Variants in LAMTOR3 observed in about 807,000 individuals in gnomAD.
The protein encoded by LAMTOR3 is late endosomal/lysosomal adaptor, MAPK and MTOR activator 3.
In LAMTOR3, 14 loss-of-function variants were observed where a neutral mutation model predicts 20.3. The observed-to-expected ratio is 0.69, with a 90% CI of 0.46 to 1.08. The LOEUF (loss-of-function observed/expected upper bound fraction) is 1.08. Among genes scored for constraint, LAMTOR3 ranks in the 50% least tolerant of loss-of-function variants. The probability of loss-of-function intolerance (pLI) is 0.00; values close to 1 mark genes in which losing one functional copy is unlikely to be tolerated. For synonymous variants in LAMTOR3, 40 were observed against 49.4 expected (o/e 0.81, Z 0.80); for missense variants, 125 against 143.7 (o/e 0.87, Z 0.67).
Position 99,881,449 on chromosome 4 carries a change from T to C in LAMTOR3, c.*545A>G, listed in dbSNP as rs1184757276. On this transcript the variant is annotated 3_prime_UTR_variant, in exon 7 of 7. Coordinates refer to ENST00000499666, the MANE Select transcript of LAMTOR3 (RefSeq NM_021970.4). ...TGAGAATAATCAAACTGATTAGTAA[T>C]ATTCATCTATACTGCAAAATAATAT... The C allele has an allele frequency of 6.6e-6, 1 of 152,284 alleles. No homozygotes were observed. Among genetic ancestry groups the C allele is most frequent in the Non-Finnish European group, 1.5e-5 (1 of 68,068 alleles). The allele number at this position is 152,284 out of a possible 1,614,324, so 9.4% of individuals were successfully genotyped here.
At chr4:99,887,983 G>A (rs1724959529) in intron 3 of LAMTOR3, among the ~76,000 whole-genome samples, 1 of 152,194 alleles carries the variant, frequency 6.6e-6, no homozygotes, top group Non-Finnish European at 1.5e-5. Flanking sequence ...CAGCTGAGAC[G>A]TTATGGCACT....
rs542587367 is a variant in LAMTOR3, at chr4:99,880,062, T to C, written c.*1932A>G. The C allele has an allele frequency of 1.3e-5, 2 of 152,214 alleles. No homozygotes were observed. Among genetic ancestry groups the C allele is most frequent in the South Asian group, 4.1e-4 (2 of 4,828 alleles). The allele number at this position is 152,214 out of a possible 1,614,324, so 9.4% of individuals were successfully genotyped here. A position where few individuals can be genotyped will look rare whatever the true frequency, so the allele number is the denominator to read the frequency against. On this transcript the variant is annotated 3_prime_UTR_variant, in exon 7 of 7. Transcript: ENST00000499666. ...CATCATTATATGGTACATGGCTGTA[T>C]TTATAGCTCTTTGCAGGTAAAGCAT...
At chr4:99,886,929 T>TGTGTGTGTGTATATATATAC (rs1553944062) in intron 4 of LAMTOR3, among the ~76,000 whole-genome samples, 3 of 151,874 alleles carry the variant, frequency 2.0e-5, no homozygotes, top group East Asian at 3.9e-4. Context: ...TGTATATATA[T>TGTGTGTGTGTATATATATAC]ACACACACAC....
rs753604732 is a variant in LAMTOR3, at chr4:99,893,975, T to C, written c.-12A>G. On this transcript the variant is annotated 5_prime_UTR_variant, in exon 2 of 7. Transcript: ENST00000499666. Reference sequence around the variant, plus strand: ...CTCACATCCGCCATGATGAACCCCCTTCTCTCGCAGGATCAATCTCCACGC... The same window carrying C: ...CTCACATCCGCCATGATGAACCCCCCTCTCTCGCAGGATCAATCTCCACGC... 1 of 1,551,146 alleles carries C rather than the reference T, an allele frequency of 6.4e-7. No individual in the cohort carries two copies. Among genetic ancestry groups the C allele is most frequent in the Non-Finnish European group, 8.7e-7 (1 of 1,145,128 alleles).
Position 99,878,911 on chromosome 4 carries a change from G to A in LAMTOR3, c.*3083C>T, listed in dbSNP as rs1300589814. On this transcript the variant is annotated 3_prime_UTR_variant, in exon 7 of 7. Transcript: ENST00000499666. ...ATATTTAGGTTGCTTCCAATTCTTT[G>A]ACATTACCAAGTTGCAAAGAATATA... 6.6e-6 allele frequency: 1 copy of A among 152,166 alleles called. No individual in the cohort carries two copies. Among genetic ancestry groups the A allele is most frequent in the Non-Finnish European group, 1.5e-5 (1 of 68,012 alleles). 9.4% of individuals were successfully genotyped at this position (152,166 alleles called of 1,614,324 possible).
rs147186610 is a variant in LAMTOR3, at chr4:99,883,978, T to C, written c.301+84A>G. The C allele has an allele frequency of 8.4e-5, 83 of 989,070 alleles. No individual in the cohort carries two copies. The East Asian group carries it at 2.2e-3, about 26-fold the overall frequency. The allele number at this position is 989,070 out of a possible 1,614,324, so 61.3% of individuals were successfully genotyped here. ...TCAAGATTTTTGGCTCTAAATCTAC[T>C]ATTCCTCTTAAATTAAGGTATGGTA... is the stretch of plus-strand genomic sequence containing the variant. On this transcript the variant is annotated intron_variant, in intron 6 of 6. Transcript: ENST00000499666.
chr4:99,885,449 A>G (rs1260286103), intron 5 of LAMTOR3, 93 bp downstream of exon 5: 1 of 1,135,420 alleles, frequency 8.8e-7, no homozygotes, highest in African/African-American at 1.6e-5. Flanking sequence ...TCAAAACTAA[A>G]ATTGAGAACT....
chr4:99,890,145 T>G (rs944082162), intron 3 of LAMTOR3, among the ~76,000 whole-genome samples: 5 of 152,216 alleles, frequency 3.3e-5, no homozygotes, highest in African/African-American at 9.6e-5. Context: ...ATCTAAACCT[T>G]AAGCTTACTA....
chr4:99,890,375 A>G (rs1046481464), intron 3 of LAMTOR3, among the ~76,000 whole-genome samples: 1 of 152,228 alleles, frequency 6.6e-6, no homozygotes, highest in Non-Finnish European at 1.5e-5. Context: ...CACACATTCC[A>G]TTAGTATCCG....
chr4:99,887,971 A>G (rs1431350757), intron 3 of LAMTOR3, among the ~76,000 whole-genome samples: 2 of 152,248 alleles, frequency 1.3e-5, no homozygotes, highest in Non-Finnish European at 2.9e-5. Flanking sequence ...GCAGTAATAC[A>G]TCAGCTGAGA....
rs1724788948 is a variant in LAMTOR3, at chr4:99,879,839, TAC to T, written c.*2153_*2154del. 8.4e-5 allele frequency: 7 copies of T among 83,784 alleles called. No individual in the cohort carries two copies. Among genetic ancestry groups the T allele is most frequent in the African/African-American group, 3.2e-4 (5 of 15,652 alleles). The allele number at this position is 83,784 out of a possible 1,614,324, so 5.2% of individuals were successfully genotyped here. ...GGCTATATGGTATAGCCTACTACTA[TAC>T]ACCTAGGCTATATGGTATAGCCTAC... On this transcript the variant is annotated 3_prime_UTR_variant, in exon 7 of 7. Transcript: ENST00000499666.
At chr4:99,889,325 A>G (rs1560721294) in intron 3 of LAMTOR3, among the ~76,000 whole-genome samples, 1 of 152,250 alleles carries the variant, frequency 6.6e-6, no homozygotes, top group Non-Finnish European at 1.5e-5. Flanking sequence ...ACCAAAAGCA[A>G]CATCATTTGA....
rs1408142539 is a variant in LAMTOR3 at position 99,885,653 on chromosome 4, C to G, written c.126G>C (p.Glu42Asp). Reference protein sequence around the residue: ...VIKVANDNAPEHALRPGFLST... With the variant: ...VIKVANDNAPDHALRPGFLST... ...ATAAGAAACCAGGTCGCAAAGCATGCTCTGGAGCATTGTCATTTGCCACTA... is the reference window on the plus strand; with the variant it reads ...ATAAGAAACCAGGTCGCAAAGCATGGTCTGGAGCATTGTCATTTGCCACTA... Residue 42 changes from glutamate to aspartate, a missense_variant, in exon 5 of 7, where the codon GAG (glutamate) becomes GAC (aspartate). Around this residue, in one of 3 missense-constraint regions of LAMTOR3, gnomAD observed 99 missense variants for 96.0 expected, o/e 1.03. Transcript: ENST00000499666. 1.2e-6 allele frequency: 2 copies of G among 1,613,018 alleles called. No individual in the cohort carries two copies. The highest frequency in any genetic ancestry group is 2.2e-5 in the South Asian group (2 of 90,936).
chr4:99,890,256 C>T (rs1724998463), intron 3 of LAMTOR3, among the ~76,000 whole-genome samples: 1 of 152,156 alleles, frequency 6.6e-6, no homozygotes, highest in African/African-American at 2.4e-5. Flanking sequence ...TGTTTTAAAA[C>T]ATACAAAGTG....
rs528012345 is a variant in LAMTOR3 at position 99,881,149 on chromosome 4, T to C, written c.*845A>G. ...TGTGGCTGAAAGAGTATATTAATTA[T>C]GTTTAGATTTTTGGAAAAAGTCTGA... On this transcript the variant is annotated 3_prime_UTR_variant, in exon 7 of 7. Coordinates refer to ENST00000499666, the MANE Select transcript of LAMTOR3 (RefSeq NM_021970.4). 1.3e-5 allele frequency: 2 copies of C among 152,362 alleles called. No individual in the cohort carries two copies. The highest frequency in any genetic ancestry group is 2.1e-4 in the South Asian group (1 of 4,820). 9.4% of individuals were successfully genotyped at this position (152,362 alleles called of 1,614,324 possible).
Position 99,892,047 on chromosome 4 carries a change from A to C in LAMTOR3, c.10-13T>G. 1.7e-5 allele frequency: 27 copies of C among 1,563,470 alleles called. No individual in the cohort carries two copies. Among genetic ancestry groups the C allele is most frequent in the Non-Finnish European group, 2.3e-5 (27 of 1,162,036 alleles). ...ATCGCTTTAGGTCCTGAAAGAGAGC[A>C]TTAAAAAATAATGTTGTAATAATAG... On this transcript the variant is annotated splice_polypyrimidine_tract_variant and intron_variant, in intron 2 of 6. Transcript: ENST00000499666.
chr4:99,887,360 A>G lies in LAMTOR3; in HGVS notation c.45-6T>C. ...TGGCATGGAGCCCTTCAACACTAGAAAAAGAAAATAGTTAAAATATAAAAA... is the reference window on the plus strand; with the variant it reads ...TGGCATGGAGCCCTTCAACACTAGAGAAAGAAAATAGTTAAAATATAAAAA... On this transcript the variant is annotated splice_region_variant and splice_polypyrimidine_tract_variant and intron_variant, in intron 3 of 6. Transcript: ENST00000499666. 1 of 1,351,662 alleles carries G rather than the reference A, an allele frequency of 7.4e-7. No individual in the cohort carries two copies. The highest frequency in any genetic ancestry group is 1.7e-5 in the South Asian group (1 of 57,410). The allele number at this position is 1,351,662 out of a possible 1,614,324, so 83.7% of individuals were successfully genotyped here.
intron 1 of LAMTOR3, 25 bp downstream of exon 1, chr4:99,894,310 A>C (rs2110185071): frequency 7.8e-6 from 2 of 257,524 alleles, no homozygotes; most frequent in South Asian, 1.7e-4. Context: ...TAGGCCTCAA[A>C]ACCAGGCAAA....
chr4:99,886,778 T>C (rs374989616), intron 4 of LAMTOR3, among the ~76,000 whole-genome samples: 33 of 152,282 alleles, frequency 2.2e-4, no homozygotes, highest in Admixed American at 3.3e-4. Context: ...GGAACATCCA[T>C]TCTCATAATA....
Sources: gnomAD v4.1 joint callset for allele counts (sites outside exome capture counted in the v4.1 genomes callset) on GRCh38, gnomAD v4.1.1 for gene constraint, gnomAD v4.1.1 regional missense constraint, MANE v1.5 for transcripts, NCBI Gene and HGNC (gene_info 2026-07-23, HGNC 2026-07-21) for gene names.